PRDM5: variants seen among roughly 807,000 people sequenced by gnomAD.
PRDM5 encodes PR domain zinc finger protein 5.
A neutral mutation model predicts 81.2 loss-of-function variants in PRDM5; 56 were observed. The ratio of observed to expected loss-of-function variants is 0.69; its 90% CI spans 0.56 to 0.86. The LOEUF is 0.86. Among genes scored for constraint, PRDM5 ranks in the 40% least tolerant of loss-of-function variants. The probability of loss-of-function intolerance (pLI) is 0.00; values close to 1 mark genes in which losing one functional copy is unlikely to be tolerated. For missense variants in PRDM5, 697 were observed against 770.1 expected (o/e 0.91, Z 1.12); for synonymous variants, 267 against 256.4 (o/e 1.04, Z -0.39).
At chr4:120,764,075 C>T (rs1746028283) in intron 13 of PRDM5, among the ~76,000 whole-genome samples, 1 of 152,032 alleles carries the variant, frequency 6.6e-6, no homozygotes, top group South Asian at 2.1e-4. Flanking sequence ...GAAATCAAAT[C>T]TCCTTTTATT....
At chr4:120,718,150 C>T (rs562233398) in intron 14 of PRDM5, among the ~76,000 whole-genome samples, 2 of 152,194 alleles carry the variant, frequency 1.3e-5, no homozygotes, top group African/African-American at 2.4e-5. Flanking sequence ...TAGGGATACA[C>T]CTTTTCTCTA....
At chr4:120,799,953 T>G (rs1235241830) in intron 8 of PRDM5, among the ~76,000 whole-genome samples, 2 of 152,224 alleles carry the variant, frequency 1.3e-5, no homozygotes, top group African/African-American at 4.8e-5. Context: ...TTTTGAGACA[T>G]AATACTCACA....
At chr4:120,763,031 T>A (rs1414399862) in intron 13 of PRDM5, among the ~76,000 whole-genome samples, 1 of 152,198 alleles carries the variant, frequency 6.6e-6, no homozygotes, top group African/African-American at 2.4e-5. Context: ...AATTTTATCA[T>A]CTGATTCAAA....
intron 8 of PRDM5, among the ~76,000 whole-genome samples, chr4:120,803,688 G>A (rs1454783768): frequency 2.0e-5 from 3 of 152,090 alleles, no homozygotes. Context: ...TGCCCTACAA[G>A]AGCTCCTGAA....
chr4:120,917,359 T>C (rs1724303152), intron 1 of PRDM5, among the ~76,000 whole-genome samples: 1 of 152,142 alleles, frequency 6.6e-6, no homozygotes, highest in African/African-American at 2.4e-5. Flanking sequence ...CCATCTAACA[T>C]GTATAGCATC....
intron 14 of PRDM5, among the ~76,000 whole-genome samples, chr4:120,719,648 A>C (rs1738297602): frequency 6.6e-6 from 1 of 152,198 alleles, no homozygotes; most frequent in Non-Finnish European, 1.5e-5. Flanking sequence ...AATTAGATAT[A>C]ATTTTAATTT....
chr4:120,697,237 A>G lies in PRDM5; in HGVS notation c.1729-1962T>C, dbSNP rs182760115. Among the ~76,000 whole-genome samples, 325 of 152,282 alleles carry G rather than the reference A, an allele frequency of 2.1e-3. 1 individual carries two copies. Among genetic ancestry groups the G allele is most frequent in the African/African-American group, 7.7e-3 (318 of 41,568 alleles). On this transcript the variant is annotated intron_variant, in intron 15 of 15. Coordinates refer to ENST00000264808, the MANE Select transcript of PRDM5 (RefSeq NM_018699.4). ...TAAGAGAGGGATTAGAATGTGCATGAAAGTGTACAAAATGAGGCTGATAGA... is the reference window on the plus strand; with the variant it reads ...TAAGAGAGGGATTAGAATGTGCATGGAAGTGTACAAAATGAGGCTGATAGA...
At chr4:120,774,947 T>C (rs1747919881) in intron 13 of PRDM5, among the ~76,000 whole-genome samples, 1 of 117,418 alleles carries the variant, frequency 8.5e-6, no homozygotes, top group Admixed American at 8.7e-5. Context: ...TATATATGTG[T>C]GTGTATATGT....
At chr4:120,829,172 C>T (rs903181853) in intron 3 of PRDM5, among the ~76,000 whole-genome samples, 2 of 152,038 alleles carry the variant, frequency 1.3e-5, no homozygotes, top group African/African-American at 2.4e-5. Flanking sequence ...GGTTGAGAGG[C>T]CCATTCTCCA....
At chr4:120,733,454 C>A (rs562707501) in intron 14 of PRDM5, among the ~76,000 whole-genome samples, 1 of 152,316 alleles carries the variant, frequency 6.6e-6, no homozygotes, top group East Asian at 1.9e-4. Context: ...TGCCCTACCC[C>A]CAATCTTGTT....
intron 2 of PRDM5, among the ~76,000 whole-genome samples, chr4:120,854,606 T>C (rs181915382): frequency 3.3e-5 from 5 of 152,270 alleles, no homozygotes; most frequent in Non-Finnish European, 7.4e-5. Flanking sequence ...CCTTAATGGC[T>C]GAAGGCATCA....
At chr4:120,702,803 A>C (rs541771302) in intron 15 of PRDM5, among the ~76,000 whole-genome samples, 3 of 152,202 alleles carry the variant, frequency 2.0e-5, no homozygotes, top group Non-Finnish European at 2.9e-5. Flanking sequence ...ATTTATTCCC[A>C]TGTTCTATTT....
At chr4:120,846,103 G>A (rs1758620994) in intron 3 of PRDM5, among the ~76,000 whole-genome samples, 1 of 152,180 alleles carries the variant, frequency 6.6e-6, no homozygotes, top group Non-Finnish European at 1.5e-5. Flanking sequence ...AACAAAGAAA[G>A]TAGTTTCCTT....
At chr4:120,773,883 C>T (rs1747670116) in intron 13 of PRDM5, among the ~76,000 whole-genome samples, 1 of 152,158 alleles carries the variant, frequency 6.6e-6, no homozygotes, top group South Asian at 2.1e-4. Context: ...AAACCACAGA[C>T]TTTCAGAAAT....
chr4:120,719,076 T>C (rs1022380766), intron 14 of PRDM5, among the ~76,000 whole-genome samples: 1 of 152,232 alleles, frequency 6.6e-6, no homozygotes, highest in East Asian at 1.9e-4. Flanking sequence ...CTCCCCACTC[T>C]GGTCCAGAGC....
intron 15 of PRDM5, among the ~76,000 whole-genome samples, chr4:120,705,638 G>T (rs1018394283): frequency 2.0e-5 from 3 of 152,098 alleles, no homozygotes; most frequent in African/African-American, 7.2e-5. Flanking sequence ...GTCACCTGAG[G>T]TCTTTCAGAC....
intron 13 of PRDM5, among the ~76,000 whole-genome samples, chr4:120,767,996 T>A (rs529277446): frequency 3.9e-5 from 6 of 152,340 alleles, no homozygotes; most frequent in African/African-American, 1.4e-4. Flanking sequence ...CATGTGGAAC[T>A]GTGAGTCCGT....
intron 2 of PRDM5, among the ~76,000 whole-genome samples, chr4:120,864,567 G>A (rs558422671): frequency 5.4e-4 from 82 of 152,278 alleles, no homozygotes; most frequent in African/African-American, 1.9e-3. Context: ...GTTGGCTGAG[G>A]ATTCCCAACT....
intron 2 of PRDM5, among the ~76,000 whole-genome samples, chr4:120,897,677 CTTCTT>C (rs1272496850): frequency 6.6e-6 from 1 of 152,148 alleles, no homozygotes; most frequent in Non-Finnish European, 1.5e-5. Flanking sequence ...TTTCTACTGA[CTTCTT>C]TTCCTTTTCA....
Sources: gnomAD v4.1 joint callset for allele counts (sites outside exome capture counted in the v4.1 genomes callset) on GRCh38, gnomAD v4.1.1 for gene constraint, MANE v1.5 for transcripts, NCBI Gene and HGNC (gene_info 2026-07-23, HGNC 2026-07-21) for gene names.